AAMDC: variants seen among roughly 807,000 people sequenced by gnomAD.
AAMDC encodes adipogenesis associated Mth938 domain containing.
In AAMDC, 16 loss-of-function variants were observed where a neutral mutation model predicts 15.5. The ratio of observed to expected loss-of-function variants is 1.03; its 90% CI spans 0.70 to 1.57. The LOEUF is 1.57. AAMDC is among the 40% of genes most tolerant of loss of function. The probability of loss-of-function intolerance (pLI) is 0.00; values close to 1 mark genes in which losing one functional copy is unlikely to be tolerated. For missense variants in AAMDC, 141 were observed against 144.9 expected, an observed-to-expected ratio of 0.97 and a Z score of 0.14; for synonymous variants, 51 against 51.6, an observed-to-expected ratio of 0.99 and a Z score of 0.05.
chr11:77,826,693 C>T (rs954488670), intron 1 of AAMDC, among the ~76,000 whole-genome samples: 2 of 152,216 alleles, frequency 1.3e-5, no homozygotes, highest in African/African-American at 4.8e-5. Context: ...GACCCTATAA[C>T]TGTATGCCTG....
chr11:77,842,167 G>A (rs989373924), intron 1 of AAMDC, among the ~76,000 whole-genome samples: 7 of 151,966 alleles, frequency 4.6e-5, no homozygotes, highest in Non-Finnish European at 7.4e-5. Flanking sequence ...TTTCTTCTTG[G>A]GGAGAGAATA....
At chr11:77,862,194 T>C (rs1443242404) in intron 2 of AAMDC, among the ~76,000 whole-genome samples, 1 of 152,232 alleles carries the variant, frequency 6.6e-6, no homozygotes, top group African/African-American at 2.4e-5. Context: ...CCTGCTGGCC[T>C]GTGGGGAATC....
chr11:77,848,266 A>G (rs1950224957), intron 2 of AAMDC, among the ~76,000 whole-genome samples: 1 of 152,180 alleles, frequency 6.6e-6, no homozygotes, highest in Non-Finnish European at 1.5e-5. Flanking sequence ...TGGCTTCCAC[A>G]CTTGAGAGAT....
chr11:77,874,799 G>C (rs150982067), downstream of AAMDC, among the ~76,000 whole-genome samples: 1,373 of 152,294 alleles, frequency 9.0e-3, 21 homozygotes, highest in African/African-American at 0.03. Flanking sequence ...CGCTTTGGGA[G>C]GCCGAGGTGG....
rs1948879687 is a variant in AAMDC at position 77,821,184 on chromosome 11, A to G, written c.-76A>G. The G allele has an allele frequency of 2.8e-6, 1 of 355,060 alleles. No homozygotes were observed. The highest frequency in any genetic ancestry group is 7.7e-4 in the Middle Eastern group (1 of 1,296). 22.0% of individuals were successfully genotyped at this position (355,060 alleles called of 1,614,324 possible). ...ATCCCGAAGCAGCGCTGGGAGCGTA[A>G]GTGCGGGCAGAGCACTGCGCCGTTT... On this transcript the variant is annotated 5_prime_UTR_variant, in exon 1 of 4. Coordinates refer to ENST00000393427, the MANE Select transcript of AAMDC (RefSeq NM_024684.4).
At chr11:77,876,598 T>C (rs868255038), downstream of AAMDC, among the ~76,000 whole-genome samples, 2 of 152,182 alleles carry the variant, frequency 1.3e-5, no homozygotes, top group South Asian at 2.1e-4. Flanking sequence ...TCATCTAGCC[T>C]GGAGAATTCT....
chr11:77,864,221 C>T (rs1248071038), intron 2 of AAMDC, among the ~76,000 whole-genome samples: 1 of 152,150 alleles, frequency 6.6e-6, no homozygotes, highest in East Asian at 1.9e-4. Flanking sequence ...GCCACCGCTC[C>T]TGGCCAAGAT....
At chr11:77,861,478 G>A (rs534333547) in intron 2 of AAMDC, among the ~76,000 whole-genome samples, 17 of 152,266 alleles carry the variant, frequency 1.1e-4, no homozygotes, top group South Asian at 8.3e-4. Flanking sequence ...AAGTATACCC[G>A]GGGCTCTGTG....
At chr11:77,896,805 G>C (rs1276131481) in intron 5 of AAMDC, among the ~76,000 whole-genome samples, 2 of 150,380 alleles carry the variant, frequency 1.3e-5, no homozygotes, top group Non-Finnish European at 3.0e-5. Context: ...AGAAATAATG[G>C]AGGAAAAAAA....
At position 77,890,091 on chromosome 11, in the gene AAMDC, T is replaced by C. The variant is rs375949004; in HGVS notation, c.329-10480T>C. Among the ~76,000 whole-genome samples the C allele has an allele frequency of 6.4e-4, 98 of 152,334 alleles. 2 individuals are homozygous for C. The highest frequency in any genetic ancestry group is 2.3e-3 in the African/African-American group (97 of 41,576). ...CTGACACCTATTCATCTGTTCTTCT[T>C]AATGCTTTCTGAGTAATCCTAAAGT... On this transcript the variant is annotated intron_variant, in intron 5 of 5. Coordinates refer to the AAMDC transcript ENST00000304716.
At chr11:77,824,081 G>C (rs145685933) in intron 1 of AAMDC, among the ~76,000 whole-genome samples, 1 of 152,212 alleles carries the variant, frequency 6.6e-6, no homozygotes, top group Non-Finnish European at 1.5e-5. Context: ...CCAAAGATAA[G>C]AAGTGTTTTG....
At chr11:77,844,326 G>A (rs1369991127) in intron 2 of AAMDC, among the ~76,000 whole-genome samples, 1 of 152,018 alleles carries the variant, frequency 6.6e-6, no homozygotes, top group South Asian at 2.1e-4. Flanking sequence ...CACATATTAA[G>A]TCCATTGCAG....
Position 77,900,256 on chromosome 11 carries a change from T to C in AAMDC, c.329-315T>C, listed in dbSNP as rs550102907. Among the ~76,000 whole-genome samples, 804 of 152,138 alleles carry C rather than the reference T, an allele frequency of 5.3e-3. 3 individuals carry two copies. Among genetic ancestry groups the C allele is most frequent in the Middle Eastern group, 0.017 (5 of 294 alleles). On this transcript the variant is annotated intron_variant, in intron 5 of 5. Coordinates refer to the AAMDC transcript ENST00000304716. ...CTGGGACTACTGGTGCATGCCACCA[T>C]GCCCGGCTAATTTTATGTATTTTTA... is the stretch of plus-strand genomic sequence containing the variant.
rs1470375565 is a variant in AAMDC, at chr11:77,832,965, G to A, written c.-18-9514G>A. ...TGTATATATATATGTGTGTGTGTGT[G>A]TGTGTGTGTGTGTGTGTGTGTGTGT... is the stretch of plus-strand genomic sequence containing the variant. On this transcript the variant is annotated intron_variant, in intron 1 of 3. Coordinates refer to ENST00000393427, the MANE Select transcript of AAMDC (RefSeq NM_024684.4). 2.1e-3 allele frequency among the ~76,000 whole-genome samples: 78 copies of A among 37,736 alleles called. 4 individuals carry two copies. Among genetic ancestry groups the A allele is most frequent in the African/African-American group, 7.9e-3 (60 of 7,642 alleles). The allele number at this position is 37,736 out of a possible 152,430, so 24.8% of individuals were successfully genotyped here. A position where few individuals can be genotyped will look rare whatever the true frequency, so the allele number is the denominator to read the frequency against.
At chr11:77,899,429 TG>T (rs751980017) in intron 5 of AAMDC, among the ~76,000 whole-genome samples, 6 of 152,052 alleles carry the variant, frequency 3.9e-5, no homozygotes, top group Non-Finnish European at 7.4e-5. Context: ...CCTAGCACTC[TG>T]GGAGGCCGAG....
At chr11:77,902,485 GA>G (rs1477375808), downstream of AAMDC, among the ~76,000 whole-genome samples, 2 of 152,158 alleles carry the variant, frequency 1.3e-5, no homozygotes, top group East Asian at 3.8e-4. Flanking sequence ...CACTGTAGTA[GA>G]AAACAGATTC....
chr11:77,847,706 C>T (rs898140938), intron 2 of AAMDC, among the ~76,000 whole-genome samples: 2 of 152,160 alleles, frequency 1.3e-5, no homozygotes, highest in African/African-American at 2.4e-5. Context: ...ATATGCAGAA[C>T]TTAGTTTATA....
intron 3 of AAMDC, chr11:77,870,231 G>C (rs1289182930): frequency 6.7e-6 from 1 of 149,778 alleles, no homozygotes; most frequent in Non-Finnish European, 1.5e-5. Context: ...TTGTTGCCCA[G>C]GCTGGTCTTG....
Position 77,832,941 on chromosome 11 carries a change from GTATA to G in AAMDC, c.-18-9530_-18-9527del, listed in dbSNP as rs1330087632. On this transcript the variant is annotated intron_variant, in intron 1 of 3. Transcript: ENST00000393427. ...CATTACATTTATTGTGCACTTTATTGTATATATATATGTGTGTGTGTGTGTGTGT... is the reference window on the plus strand; with the variant it reads ...CATTACATTTATTGTGCACTTTATTGTATATATGTGTGTGTGTGTGTGTGT... Among the ~76,000 whole-genome samples the G allele has an allele frequency of 1.3e-3, 122 of 94,294 alleles. 7 individuals carry two copies. The highest frequency in any genetic ancestry group is 1.5e-3 in the Admixed American group (13 of 8,598). The allele number at this position is 94,294 out of a possible 152,430, so 61.9% of individuals were successfully genotyped here.
Sources: allele counts gnomAD v4.1 joint callset (sites outside exome capture counted in the v4.1 genomes callset), GRCh38; gene constraint gnomAD v4.1.1; transcripts MANE v1.5; gene names NCBI Gene and HGNC (gene_info 2026-07-23, HGNC 2026-07-21).